CLDN16: variants seen among roughly 807,000 people sequenced by gnomAD.
The protein encoded by CLDN16 is claudin 16, also known as claudin-16.
Under a neutral mutation model 24.6 loss-of-function variants are expected in CLDN16, and 13 were observed. The observed-to-expected ratio is 0.53, with a 90% CI of 0.34 to 0.84. The LOEUF is 0.84. Among genes scored for constraint, CLDN16 ranks in the 40% least tolerant of loss-of-function variants. The pLI is 0.01. For missense variants in CLDN16, 298 were observed against 292.7 expected (o/e 1.02, Z -0.13); for synonymous variants, 116 against 106.7 (o/e 1.09, Z -0.54).
At chr3:190,353,321 C>A (rs1359110135) in intron 1 of CLDN16, among the ~76,000 whole-genome samples, 1 of 151,992 alleles carries the variant, frequency 6.6e-6, no homozygotes, top group Non-Finnish European at 1.5e-5. Context: ...CACACCATAC[C>A]AAAGTTATTA....
intron 1 of CLDN16, among the ~76,000 whole-genome samples, chr3:190,355,701 A>G (rs1577407439): frequency 6.6e-6 from 1 of 151,866 alleles, no homozygotes; most frequent in African/African-American, 2.4e-5. Flanking sequence ...GAACCAATAT[A>G]GAGCATTTTA....
the CLDN16 span, among the ~76,000 whole-genome samples, chr3:190,314,415 G>A: frequency 6.6e-6 from 1 of 152,002 alleles, no homozygotes; most frequent in Admixed American, 6.6e-5. Flanking sequence ...CTTTTTTTGA[G>A]ATAGAGTCTT....
At chr3:190,365,640 G>C (rs1033356480) in intron 1 of CLDN16, among the ~76,000 whole-genome samples, 1 of 150,496 alleles carries the variant, frequency 6.6e-6, no homozygotes, top group African/African-American at 2.4e-5. Context: ...ACAGAAGAAC[G>C]ATCTGAAATC....
At chr3:190,331,711 A>G (rs1717183738) in intron 1 of CLDN16, among the ~76,000 whole-genome samples, 1 of 152,172 alleles carries the variant, frequency 6.6e-6, no homozygotes, top group African/African-American at 2.4e-5. Context: ...ATCTCTCTAA[A>G]AATTAGTCTA....
At chr3:190,323,040 G>T (rs183948111) in intron 1 of CLDN16, among the ~76,000 whole-genome samples, 60 of 86,716 alleles carry the variant, frequency 6.9e-4, no homozygotes, top group Middle Eastern at 6.9e-3. Flanking sequence ...ACACACTCAC[G>T]CACGGAGCAT....
chr3:190,351,935 A>G (rs1302540045), intron 1 of CLDN16, among the ~76,000 whole-genome samples: 2 of 152,164 alleles, frequency 1.3e-5, no homozygotes, highest in African/African-American at 2.4e-5. Context: ...TCTCCCAGAT[A>G]TAAATCAGAA....
intron 1 of CLDN16, among the ~76,000 whole-genome samples, chr3:190,329,490 T>C (rs1364314606): frequency 2.6e-5 from 4 of 152,166 alleles, no homozygotes; most frequent in Admixed American, 2.0e-4. Flanking sequence ...TTTGAATTTA[T>C]ACAGTATGTC....
intron 1 of CLDN16, among the ~76,000 whole-genome samples, chr3:190,333,343 T>C (rs186325317): frequency 6.6e-6 from 1 of 152,156 alleles, no homozygotes; most frequent in Admixed American, 6.5e-5. Context: ...CTTATTCAGA[T>C]TCTTAGAAAT....
At chr3:190,311,013 T>A in the CLDN16 span, among the ~76,000 whole-genome samples, 1 of 152,200 alleles carries the variant, frequency 6.6e-6, no homozygotes, top group Non-Finnish European at 1.5e-5. Context: ...TAAGTATTCA[T>A]CAATATAGAT....
chr3:190,334,657 A>G (rs1398252018), intron 1 of CLDN16, among the ~76,000 whole-genome samples: 2 of 152,246 alleles, frequency 1.3e-5, no homozygotes, highest in African/African-American at 2.4e-5. Context: ...GTGAAACTGG[A>G]ATGGTAGATG....
intron 1 of CLDN16, among the ~76,000 whole-genome samples, chr3:190,322,917 G>A (rs1277244522): frequency 6.6e-6 from 1 of 151,028 alleles, no homozygotes; most frequent in African/African-American, 2.4e-5. Context: ...TTCTGTCAAG[G>A]TCGTTCCATC....
intron 1 of CLDN16, among the ~76,000 whole-genome samples, chr3:190,333,773 T>G (rs374554415): frequency 6.6e-6 from 1 of 152,108 alleles, no homozygotes; most frequent in African/African-American, 2.4e-5. Context: ...ATTACACACA[T>G]TTACTCATTC....
At chr3:190,303,209 A>C in the CLDN16 span, among the ~76,000 whole-genome samples, 5 of 152,332 alleles carry the variant, frequency 3.3e-5, no homozygotes, top group East Asian at 7.7e-4. Context: ...CTCATCTTCC[A>C]GCAAGTATTC....
At chr3:190,409,162 A>C in intron 4 of CLDN16, among the ~76,000 whole-genome samples, 1 of 151,328 alleles carries the variant, frequency 6.6e-6, no homozygotes, top group East Asian at 1.9e-4. Flanking sequence ...GTAGGAATAC[A>C]CCCATGTATA....
At chr3:190,384,806 G>T (rs1311051722), upstream of CLDN16, among the ~76,000 whole-genome samples, 1 of 152,164 alleles carries the variant, frequency 6.6e-6, no homozygotes, top group East Asian at 1.9e-4. Flanking sequence ...CATGTGGGAT[G>T]CACTGGTGAA....
intron 3 of CLDN16, among the ~76,000 whole-genome samples, chr3:190,380,824 G>A (rs984823176): frequency 4.6e-5 from 7 of 151,976 alleles, no homozygotes; most frequent in Admixed American, 3.9e-4. Context: ...ATTTTTAGTT[G>A]TGTATCAAGA....
chr3:190,300,548 C>A, the CLDN16 span, among the ~76,000 whole-genome samples: 1 of 152,178 alleles, frequency 6.6e-6, no homozygotes, highest in Non-Finnish European at 1.5e-5. Context: ...TTTCGAAGAA[C>A]GATACAAGCG....
intron 1 of CLDN16, among the ~76,000 whole-genome samples, chr3:190,361,596 C>T (rs1717888502): frequency 6.6e-6 from 1 of 151,866 alleles, no homozygotes; most frequent in Non-Finnish European, 1.5e-5. Context: ...GTCTGAATGC[C>T]CCCAAATTGC....
intron 1 of CLDN16, among the ~76,000 whole-genome samples, chr3:190,339,122 T>C (rs1717374030): frequency 2.0e-5 from 3 of 152,202 alleles, no homozygotes; most frequent in African/African-American, 7.2e-5. Context: ...GGGGATTAGA[T>C]TGAGACTAAA....
Sources: allele counts gnomAD v4.1 joint callset (sites outside exome capture counted in the v4.1 genomes callset), GRCh38; gene constraint gnomAD v4.1.1; transcripts MANE v1.5; gene names NCBI Gene and HGNC (gene_info 2026-07-23, HGNC 2026-07-21).